Variants in STK32B observed in about 807,000 individuals in gnomAD.
The protein encoded by STK32B is serine/threonine-protein kinase 32B.
Under a neutral mutation model 52.6 loss-of-function variants are expected in STK32B, and 43 were observed. That is an observed-to-expected ratio of 0.82 (90% CI 0.64 to 1.05). The LOEUF is 1.05. Ranked by LOEUF, STK32B falls within the 50% of genes least tolerant of loss-of-function variation. The probability of loss-of-function intolerance (pLI) is 0.00; values close to 1 mark genes in which losing one functional copy is unlikely to be tolerated. For missense variants in STK32B, 621 were observed against 534.6 expected, an observed-to-expected ratio of 1.16 and a Z score of -1.59; for synonymous variants, 238 against 204.3, an observed-to-expected ratio of 1.17 and a Z score of -1.41.
intron 2 of STK32B, 66 bp from the exon 3 acceptor site, chr4:5,168,233 A>G: frequency 6.4e-7 from 1 of 1,556,266 alleles, no homozygotes; most frequent in Non-Finnish European, 8.7e-7. Context: ...GTGCGGGGTG[A>G]CATTTCTCCT....
chr4:5,134,391 C>T (rs76366344), intron 1 of STK32B, among the ~76,000 whole-genome samples: 9 of 152,132 alleles, frequency 5.9e-5, no homozygotes, highest in African/African-American at 2.2e-4. Context: ...GCAAGCTTAG[C>T]CCCCTCTTGC....
rs1742094758 is a variant in STK32B at position 5,058,556 on chromosome 4, T to G, written c.52+6641T>G. Among the ~76,000 whole-genome samples the G allele has an allele frequency of 6.6e-6, 1 of 151,998 alleles. No homozygotes were observed. The highest frequency in any genetic ancestry group is 2.1e-4 in the South Asian group (1 of 4,796). On this transcript the variant is annotated intron_variant, in intron 1 of 11. Transcript: ENST00000282908. This position sits in a 1 kb window ranked among gnomAD's most constrained non-coding sequence, Gnocchi z 4.8. ...AGTGGGACAGACTCTTTTCCCATCT[T>G]TTTTTGTTTTGTTTTGTTTGTTTGT...
chr4:5,496,205 C>G (rs1392566101), intron 11 of STK32B, among the ~76,000 whole-genome samples: 1 of 152,246 alleles, frequency 6.6e-6, no homozygotes, highest in Non-Finnish European at 1.5e-5. Flanking sequence ...GGCAGGCAAG[C>G]CTCCTTGAGC....
chr4:5,465,317 G>C (rs1204811967), intron 9 of STK32B, among the ~76,000 whole-genome samples: 7 of 152,120 alleles, frequency 4.6e-5, no homozygotes, highest in Non-Finnish European at 1.0e-4. Flanking sequence ...TATGGAAACT[G>C]AGGCCCATAG....
intron 2 of STK32B, among the ~76,000 whole-genome samples, chr4:5,145,947 T>G (rs909524025): frequency 9.9e-5 from 15 of 152,200 alleles, no homozygotes; most frequent in Non-Finnish European, 1.9e-4. Flanking sequence ...CAGAGATATT[T>G]TTCTATGTTT....
At chr4:5,028,519 T>C in the STK32B span, among the ~76,000 whole-genome samples, 5 of 152,244 alleles carry the variant, frequency 3.3e-5, no homozygotes, top group South Asian at 2.1e-4. Flanking sequence ...TGTAAGAGCC[T>C]GTGCTTCCTT....
Position 5,262,497 on chromosome 4 carries a change from C to T in STK32B, c.261-68723C>T, listed in dbSNP as rs540462893. 3.9e-3 allele frequency among the ~76,000 whole-genome samples: 591 copies of T among 151,286 alleles called. 3 individuals are homozygous for T. The highest frequency in any genetic ancestry group is 0.013 in the African/African-American group (527 of 41,186). ...AAAATTAGCCGGCCGTGGTGGCGGG[C>T]GCCTGTAGTCCCAGCTACTCGGGAG... On this transcript the variant is annotated intron_variant, in intron 3 of 11. Coordinates refer to ENST00000282908, the MANE Select transcript of STK32B (RefSeq NM_018401.3).
chr4:5,202,012 A>G (rs1722190295), intron 3 of STK32B, among the ~76,000 whole-genome samples: 1 of 152,208 alleles, frequency 6.6e-6, no homozygotes, highest in African/African-American at 2.4e-5. Context: ...GTCTTAACTC[A>G]TTCCAGCATT....
Position 5,460,009 on chromosome 4 carries a change from G to C in STK32B, c.784-94G>C. The C allele has an allele frequency of 1.3e-6, 2 of 1,567,454 alleles. No homozygotes were observed. The highest frequency in any genetic ancestry group is 1.8e-6 in the Non-Finnish European group (2 of 1,142,036). On this transcript the variant is annotated intron_variant, in intron 8 of 11. Coordinates refer to ENST00000282908, the MANE Select transcript of STK32B (RefSeq NM_018401.3). The surrounding 1 kb of genome is among the most constrained non-coding windows in gnomAD (Gnocchi z 4.8). The stretch of plus-strand genomic sequence containing the variant: ...CATCAATAGAGCGTGAAGAGCAGAG[G>C]CACATTAATTGCCCTGAGACCCCCT...
chr4:5,344,042 G>A (rs868811321), intron 4 of STK32B, among the ~76,000 whole-genome samples: 55 of 152,278 alleles, frequency 3.6e-4, no homozygotes, highest in Middle Eastern at 6.8e-3. Context: ...CGGTCCATAG[G>A]CAGTGCTGTT....
intron 2 of STK32B, among the ~76,000 whole-genome samples, chr4:5,164,730 G>A (rs1009609388): frequency 1.3e-5 from 2 of 152,064 alleles, no homozygotes; most frequent in African/African-American, 2.4e-5. Flanking sequence ...ACTTGCCTAT[G>A]GTCACACAGC....
chr4:5,098,181 C>G (rs1713506882), intron 1 of STK32B, among the ~76,000 whole-genome samples: 1 of 152,176 alleles, frequency 6.6e-6, no homozygotes, highest in South Asian at 2.1e-4. Context: ...ATGTGAGGAC[C>G]TGAAAAGTTG....
intron 4 of STK32B, among the ~76,000 whole-genome samples, chr4:5,357,594 G>A (rs1160053036): frequency 6.6e-6 from 1 of 151,874 alleles, no homozygotes; most frequent in Non-Finnish European, 1.5e-5. Flanking sequence ...TGGGCAGTCT[G>A]AACATATATT....
intron 1 of STK32B, among the ~76,000 whole-genome samples, chr4:5,107,438 C>T (rs1247084836): frequency 1.3e-5 from 2 of 152,166 alleles, no homozygotes; most frequent in African/African-American, 4.8e-5. Flanking sequence ...TTGTCTTCCA[C>T]AAAACTGGTC....
At chr4:5,442,880 A>C (rs1456629419) in intron 6 of STK32B, among the ~76,000 whole-genome samples, 1 of 152,108 alleles carries the variant, frequency 6.6e-6, no homozygotes, top group Non-Finnish European at 1.5e-5. Context: ...GTTTGGCTGG[A>C]TATGAAATTC....
At chr4:5,116,588 G>C (rs1714732148) in intron 1 of STK32B, among the ~76,000 whole-genome samples, 1 of 152,116 alleles carries the variant, frequency 6.6e-6, no homozygotes, top group Admixed American at 6.5e-5. Flanking sequence ...CTCCAGCTTT[G>C]TTCTTCTTGT....
intron 3 of STK32B, among the ~76,000 whole-genome samples, chr4:5,196,463 C>T (rs1560215953): frequency 6.6e-6 from 1 of 151,318 alleles, no homozygotes; most frequent in Non-Finnish European, 1.5e-5. Context: ...TGGCTGACGC[C>T]TATAATCCCA....
intron 3 of STK32B, among the ~76,000 whole-genome samples, chr4:5,234,172 A>G (rs2108809682): frequency 6.6e-6 from 1 of 152,340 alleles, no homozygotes; most frequent in Admixed American, 6.5e-5. Flanking sequence ...GATTATTGGA[A>G]GCGTTGTGTA....
At chr4:5,192,520 C>T (rs1398372198) in intron 3 of STK32B, among the ~76,000 whole-genome samples, 1 of 152,152 alleles carries the variant, frequency 6.6e-6, no homozygotes, top group Non-Finnish European at 1.5e-5. Flanking sequence ...TGACTCACAG[C>T]ATCAGTTTAA....
Sources: allele counts gnomAD v4.1 joint callset (sites outside exome capture counted in the v4.1 genomes callset), GRCh38; gene constraint gnomAD v4.1.1; non-coding constraint Gnocchi (gnomAD v3.1); transcripts MANE v1.5; gene names NCBI Gene and HGNC (gene_info 2026-07-23, HGNC 2026-07-21).